The following KIDINS220 variants were observed in gnomAD, a reference collection of about 807,000 sequenced individuals.
KIDINS220 encodes the protein kinase D-interacting substrate of 220 kDa.
KIDINS220 carries 63 observed loss-of-function variants against 157.6 expected under a neutral mutation model. That is an observed-to-expected ratio of 0.40 (90% CI 0.33 to 0.49). The LOEUF (loss-of-function observed/expected upper bound fraction) is 0.49, where lower values mean the gene tolerates loss of function less well. Ranked by LOEUF, KIDINS220 falls within the 20% of genes least tolerant of loss-of-function variation. The probability of loss-of-function intolerance (pLI) is 0.66; values close to 1 mark genes in which losing one functional copy is unlikely to be tolerated. For synonymous variants in KIDINS220, 732 were observed against 783.6 expected (o/e 0.93, Z 1.10); for missense variants, 1,772 against 2,171.2 (o/e 0.82, Z 3.65).
intron 2 of KIDINS220, among the ~76,000 whole-genome samples, chr2:8,824,783 C>T (rs770828375): frequency 6.6e-5 from 10 of 152,116 alleles, no homozygotes; most frequent in Non-Finnish European, 1.2e-4. Flanking sequence ...AAATTTCTAG[C>T]CACAGATGAA....
chr2:8,726,803 T>A, downstream of KIDINS220: 1 of 561,558 alleles, frequency 1.8e-6, no homozygotes, highest in Non-Finnish European at 3.1e-6. Context: ...GGGCCCACTG[T>A]CACAGATGTG....
intron 22 of KIDINS220, among the ~76,000 whole-genome samples, chr2:8,767,331 A>C (rs1669616647): frequency 6.6e-6 from 1 of 152,234 alleles, no homozygotes; most frequent in Admixed American, 6.5e-5. Flanking sequence ...TCATATATCA[A>C]AAACAAAGAA....
At chr2:8,824,848 A>T (rs1330689112) in intron 2 of KIDINS220, among the ~76,000 whole-genome samples, 1 of 152,234 alleles carries the variant, frequency 6.6e-6, no homozygotes. Flanking sequence ...AGCCTTAAAA[A>T]GGAAGGAAAT....
At chr2:8,786,412 T>C in intron 15 of KIDINS220, 55 bp from the exon 16 acceptor site, 1 of 1,345,130 alleles carries the variant, frequency 7.4e-7, no homozygotes, top group East Asian at 2.3e-5. Flanking sequence ...AACAAATAAC[T>C]TCAATGTATG....
chr2:8,831,548 C>T (rs966011872), intron 1 of KIDINS220, among the ~76,000 whole-genome samples: 2 of 152,214 alleles, frequency 1.3e-5, no homozygotes, highest in Non-Finnish European at 2.9e-5. Context: ...TGGCTGCTTA[C>T]CCCAAGCTGG....
intron 17 of KIDINS220, among the ~76,000 whole-genome samples, chr2:8,782,506 T>C (rs1396434285): frequency 6.6e-6 from 1 of 152,238 alleles, no homozygotes; most frequent in Non-Finnish European, 1.5e-5. Flanking sequence ...AACAGGCCTA[T>C]ATCTATTGAA....
chr2:8,812,391 C>T lies in KIDINS220; in HGVS notation c.504+4G>A. 1.9e-6 allele frequency: 3 copies of T among 1,560,890 alleles called. No homozygotes were observed. Among genetic ancestry groups the T allele is most frequent in the Non-Finnish European group, 2.6e-6 (3 of 1,144,366 alleles). On this transcript the variant is annotated splice_donor_region_variant and intron_variant, in intron 6 of 29. Coordinates refer to ENST00000256707, the MANE Select transcript of KIDINS220 (RefSeq NM_020738.4). ...TGGAACCTGAAAAGATGCTGCTGAC[C>T]TACCTTATCAGAGCAGTTGACTTTA...
chr2:8,773,065 A>C (rs1376085531), intron 21 of KIDINS220, among the ~76,000 whole-genome samples: 1 of 152,240 alleles, frequency 6.6e-6, no homozygotes, highest in Non-Finnish European at 1.5e-5. Flanking sequence ...ACAGATTTAA[A>C]CCTGTAAGTT....
chr2:8,796,213 G>A (rs377118847), intron 11 of KIDINS220, among the ~76,000 whole-genome samples: 4 of 151,816 alleles, frequency 2.6e-5, no homozygotes, highest in African/African-American at 9.7e-5. Flanking sequence ...TTCTATCCTG[G>A]GGGAAAACCA....
intron 4 of KIDINS220, among the ~76,000 whole-genome samples, chr2:8,817,374 T>C: frequency 6.6e-6 from 1 of 152,152 alleles, no homozygotes; most frequent in East Asian, 1.9e-4. Flanking sequence ...AATGAGTTAT[T>C]TGTAACAATA....
chr2:8,776,924 C>G (rs1375570528), intron 20 of KIDINS220, 32 bp from the exon 21 acceptor site: 13 of 1,605,424 alleles, frequency 8.1e-6, no homozygotes, highest in Non-Finnish European at 1.0e-5. Flanking sequence ...GAGAAGGAAC[C>G]CACGCGTCCA....
chr2:8,757,489 AGAG>A, intron 22 of KIDINS220: 1 of 1,396,060 alleles, frequency 7.2e-7, no homozygotes, highest in Non-Finnish European at 9.3e-7. Flanking sequence ...TCTTCATTTC[AGAG>A]GAGCAGAAGT....
At chr2:8,757,920 T>C (rs1239326029) in intron 22 of KIDINS220, 1 of 749,912 alleles carries the variant, frequency 1.3e-6, no homozygotes, top group Non-Finnish European at 2.2e-6. Flanking sequence ...TGGAGTGCAG[T>C]GGTGCAATCT....
intron 23 of KIDINS220, 55 bp downstream of exon 23, chr2:8,751,411 C>T (rs1047347053): frequency 7.6e-6 from 11 of 1,438,154 alleles, no homozygotes; most frequent in Non-Finnish European, 9.6e-6. Flanking sequence ...AAGTTAGAAA[C>T]ATGAAAAATT....
At chr2:8,836,630 G>A (rs977401610) in intron 1 of KIDINS220, among the ~76,000 whole-genome samples, 3 of 152,162 alleles carry the variant, frequency 2.0e-5, no homozygotes, top group Admixed American at 6.5e-5. Flanking sequence ...ACCTGGCCAC[G>A]GCATTTCCCA....
Position 8,770,576 on chromosome 2 carries a change from A to G in KIDINS220, c.3011+94T>C, listed in dbSNP as rs556359890. On this transcript the variant is annotated intron_variant, in intron 22 of 29. Transcript: ENST00000256707. ...AAATCCAGGAGTATACATTTTATAC[A>G]TATTATTTTGTATTGTCTGCTTTAT... The G allele has an allele frequency of 4.0e-5, 27 of 673,056 alleles. No individual in the cohort carries two copies. The African/African-American group carries it at 4.4e-4, about 11-fold the overall frequency. The allele number at this position is 673,056 out of a possible 1,614,324, so 41.7% of individuals were successfully genotyped here. A position where few individuals can be genotyped will look rare whatever the true frequency, so the allele number is the denominator to read the frequency against.
chr2:8,818,674 G>T, intron 3 of KIDINS220, 21 bp downstream of exon 3: 1 of 1,353,876 alleles, frequency 7.4e-7, no homozygotes, highest in Non-Finnish European at 1.0e-6. Flanking sequence ...TAAATGATGA[G>T]TAAATTATTT....
chr2:8,806,466 C>A, intron 6 of KIDINS220, 97 bp from the exon 7 acceptor site: 1 of 740,174 alleles, frequency 1.4e-6, no homozygotes, highest in Non-Finnish European at 2.2e-6. Flanking sequence ...TACTTTTTAT[C>A]ATTCTCATAA....
chr2:8,731,049 G>C lies in KIDINS220; in HGVS notation c.4987C>G (p.Pro1663Ala). 6.2e-7 allele frequency: 1 copy of C among 1,614,144 alleles called. No individual in the cohort carries two copies. The highest frequency in any genetic ancestry group is 8.5e-7 in the Non-Finnish European group (1 of 1,180,024). Residue 1663 changes from proline to alanine, a missense_variant, in exon 30 of 30, where the codon CCT (proline) becomes GCT (alanine). This residue lies in a region of KIDINS220 where 793 missense variants were observed against 885.5 expected (regional missense o/e 0.90). Transcript: ENST00000256707. The surrounding 1 kb of genome is among the most constrained non-coding windows in gnomAD (Gnocchi z 5.2). ...PSECSLIASS[P>A]EENWPACQKA... ...TGGCATGCAGGCCAGTTTTCTTCAG[G>C]GCTGCTGGCTATCAAGCTGCATTCG...
Sources: gnomAD v4.1 joint callset for allele counts (sites outside exome capture counted in the v4.1 genomes callset) on GRCh38, gnomAD v4.1.1 for gene constraint, gnomAD v4.1.1 regional missense constraint, Gnocchi (gnomAD v3.1) non-coding constraint, MANE v1.5 for transcripts, NCBI Gene and HGNC (gene_info 2026-07-23, HGNC 2026-07-21) for gene names.